Variants in CSMD1 observed in about 807,000 individuals in gnomAD.
CSMD1 encodes the protein CUB and sushi domain-containing protein 1.
A neutral mutation model predicts 417.5 loss-of-function variants in CSMD1; 213 were observed. The observed-to-expected ratio is 0.51, with a 90% confidence interval of 0.46 to 0.57. The LOEUF (loss-of-function observed/expected upper bound fraction) is 0.57, where lower values mean the gene tolerates loss of function less well. Ranked by LOEUF, CSMD1 falls within the 20% of genes least tolerant of loss-of-function variation. CSMD1 has a pLI of 0.00. For missense variants in CSMD1, 6,923 were observed against 4,529.7 expected, an observed-to-expected ratio of 1.53 and a Z score of -15.17; for synonymous variants, 2,862 against 1,736.8, an observed-to-expected ratio of 1.65 and a Z score of -16.11.
intron 3 of CSMD1, among the ~76,000 whole-genome samples, chr8:4,118,182 A>C (rs1230575117): frequency 6.6e-6 from 1 of 152,130 alleles, no homozygotes; most frequent in African/African-American, 2.4e-5. Flanking sequence ...TGGTACATTT[A>C]TGCTGGCAAA....
At chr8:3,015,265 C>G (rs142200066) in intron 52 of CSMD1, among the ~76,000 whole-genome samples, 6 of 152,164 alleles carry the variant, frequency 3.9e-5, no homozygotes, top group Admixed American at 3.9e-4. Context: ...TCTTTAAAAA[C>G]GCATTGCATT....
At chr8:4,207,160 T>C (rs1233472494) in intron 3 of CSMD1, among the ~76,000 whole-genome samples, 1 of 152,172 alleles carries the variant, frequency 6.6e-6, no homozygotes, top group East Asian at 1.9e-4. Flanking sequence ...AATTTATAGG[T>C]ATAGTAATAA....
intron 3 of CSMD1, among the ~76,000 whole-genome samples, chr8:4,329,715 G>C (rs184544470): frequency 1.3e-3 from 195 of 152,184 alleles, no homozygotes; most frequent in Non-Finnish European, 2.6e-3. Flanking sequence ...GATGAGGTCC[G>C]GTGGGAGGTA....
intron 12 of CSMD1, among the ~76,000 whole-genome samples, chr8:3,452,235 C>G (rs1168814848): frequency 6.6e-6 from 1 of 152,176 alleles, no homozygotes; most frequent in Non-Finnish European, 1.5e-5. Flanking sequence ...ATGGGGTTTT[C>G]TAAATATACA....
rs527713700 is a variant in CSMD1, at chr8:4,821,128, G to T, written c.85+173204C>A. 2.6e-5 allele frequency among the ~76,000 whole-genome samples: 4 copies of T among 152,112 alleles called. No homozygotes were observed. In the East Asian group the frequency reaches 5.8e-4, roughly 22 times the overall value. ...ATACTTAAGATCTCGGTTGTATCAG[G>T]CAAGACGCCGAAACTTCTCTGAGTC... On this transcript the variant is annotated intron_variant, in intron 1 of 69. Transcript: ENST00000635120.
chr8:4,277,021 G>A (rs973620161), intron 3 of CSMD1, among the ~76,000 whole-genome samples: 1 of 151,940 alleles, frequency 6.6e-6, no homozygotes, highest in East Asian at 1.9e-4. Context: ...TTCAGAGAAA[G>A]GTCAAAAAAA....
intron 3 of CSMD1, among the ~76,000 whole-genome samples, chr8:4,382,024 G>C (rs946419591): frequency 2.6e-5 from 4 of 152,094 alleles, no homozygotes; most frequent in African/African-American, 9.7e-5. Flanking sequence ...GGTATAGCTG[G>C]GGTCTGAATT....
At chr8:4,405,922 G>C (rs186757987) in intron 3 of CSMD1, among the ~76,000 whole-genome samples, 2 of 152,106 alleles carry the variant, frequency 1.3e-5, no homozygotes, top group Non-Finnish European at 2.9e-5. Flanking sequence ...GGAGCATCTC[G>C]TTTCCTTTAA....
intron 6 of CSMD1, among the ~76,000 whole-genome samples, chr8:3,708,872 T>C (rs529147735): frequency 1.3e-5 from 2 of 152,312 alleles, no homozygotes; most frequent in East Asian, 3.9e-4. Context: ...CTAAGTTTGC[T>C]ATAATCATGA....
chr8:3,694,754 C>T (rs4875772), intron 7 of CSMD1, among the ~76,000 whole-genome samples: 72,180 of 151,050 alleles, frequency 0.48, 17,927 homozygotes, highest in Middle Eastern at 0.59. Flanking sequence ...GAAAGCAACA[C>T]CAAAAAAGAA....
chr8:4,821,398 A>C (rs1390604553), intron 1 of CSMD1, among the ~76,000 whole-genome samples: 1 of 152,178 alleles, frequency 6.6e-6, no homozygotes, highest in Non-Finnish European at 1.5e-5. Context: ...AAGCAAACCT[A>C]GATTTTTCTT....
rs536027998 is a variant in CSMD1 at position 3,908,783 on chromosome 8, A to C, written c.818+89120T>G. Among the ~76,000 whole-genome samples, 19 of 152,352 alleles carry C rather than the reference A, an allele frequency of 1.2e-4. No homozygotes were observed. The South Asian group carries it at 3.9e-3, about 32-fold the overall frequency. Reference sequence around the variant, plus strand: ...AAACTGGCTTACAGGCATTAGGGGCAATTCTGGATTCTTAGCTATTATTTG... The same window carrying C: ...AAACTGGCTTACAGGCATTAGGGGCCATTCTGGATTCTTAGCTATTATTTG... On this transcript the variant is annotated intron_variant, in intron 5 of 69. Coordinates refer to ENST00000635120, the MANE Select transcript of CSMD1 (RefSeq NM_033225.6).
At chr8:4,971,507 A>C (rs1395189045) in intron 1 of CSMD1, among the ~76,000 whole-genome samples, 1 of 152,040 alleles carries the variant, frequency 6.6e-6, no homozygotes. Context: ...AACTAAGGAA[A>C]TGATGAAGAA....
intron 4 of CSMD1, among the ~76,000 whole-genome samples, chr8:4,006,449 C>A (rs941334800): frequency 6.6e-6 from 1 of 152,096 alleles, no homozygotes; most frequent in Non-Finnish European, 1.5e-5. Context: ...GAGGCTGAGG[C>A]CGAAGAATCG....
chr8:4,828,692 A>G (rs768598362), intron 1 of CSMD1, among the ~76,000 whole-genome samples: 87 of 152,132 alleles, frequency 5.7e-4, no homozygotes, highest in Non-Finnish European at 1.1e-3. Flanking sequence ...GGTGTGTAAA[A>G]GTCAACCTGG....
At chr8:3,966,411 C>CAT (rs2130030348) in intron 5 of CSMD1, among the ~76,000 whole-genome samples, 1 of 152,134 alleles carries the variant, frequency 6.6e-6, no homozygotes, top group East Asian at 1.9e-4. Flanking sequence ...ATATATAATA[C>CAT]ATATATATCA....
intron 8 of CSMD1, among the ~76,000 whole-genome samples, chr8:3,610,852 G>C (rs555028977): frequency 6.6e-6 from 1 of 151,956 alleles, no homozygotes; most frequent in East Asian, 1.9e-4. Flanking sequence ...ATACTCTAAG[G>C]TGTTATGTGC....
At chr8:3,243,709 A>G (rs1799695195) in intron 26 of CSMD1, among the ~76,000 whole-genome samples, 1 of 151,918 alleles carries the variant, frequency 6.6e-6, no homozygotes. Context: ...CACAGGCCTG[A>G]CAATAAATAT....
chr8:4,819,385 T>C (rs531528835), intron 1 of CSMD1, among the ~76,000 whole-genome samples: 2 of 152,278 alleles, frequency 1.3e-5, no homozygotes, highest in East Asian at 3.9e-4. Flanking sequence ...CTCTCAAATT[T>C]GTTTCATTTT....
Sources: gnomAD v4.1 joint callset for allele counts (sites outside exome capture counted in the v4.1 genomes callset) on GRCh38, gnomAD v4.1.1 for gene constraint, MANE v1.5 for transcripts, NCBI Gene and HGNC (gene_info 2026-07-23, HGNC 2026-07-21) for gene names.